HELZ2: variants seen among roughly 807,000 people sequenced by gnomAD.
HELZ2 encodes the protein helicase with zinc finger 2.
A neutral mutation model predicts 208.8 loss-of-function variants in HELZ2; 143 were observed. That is an observed-to-expected ratio of 0.68 (90% CI 0.60 to 0.79). The LOEUF (loss-of-function observed/expected upper bound fraction) is 0.79. HELZ2 is among the 30% of genes least tolerant of loss of function. HELZ2 has a pLI of 0.00. For missense variants in HELZ2, 3,690 were observed against 3,794.5 expected, an observed-to-expected ratio of 0.97 and a Z score of 0.72; for synonymous variants, 1,705 against 1,693.7, an observed-to-expected ratio of 1.01 and a Z score of -0.16.
Position 63,560,114 on chromosome 20 carries a change from G to A in HELZ2, c.7658-19C>T, listed in dbSNP as rs1379148828. ...TCGCTCCCTGCGGGATGGGAGGTGA[G>A]GCCCTGCTGCCGCTGCGCCCACCCT... On this transcript the variant is annotated intron_variant, in intron 17 of 18. Transcript: ENST00000467148. The A allele has an allele frequency of 6.4e-7, 1 of 1,572,136 alleles. No homozygotes were observed.
upstream of HELZ2, among the ~76,000 whole-genome samples, chr20:63,573,939 G>A (rs1430875525): frequency 4.6e-5 from 7 of 152,130 alleles, no homozygotes; most frequent in Admixed American, 2.0e-4. This position sits in a 1 kb window ranked among gnomAD's most constrained non-coding sequence, Gnocchi z 4.9. Context: ...AAAATCCTGC[G>A]CTCCAGTGGG....
chr20:63,573,217 G>A (rs565718495), upstream of HELZ2: 14 of 152,364 alleles, frequency 9.2e-5, no homozygotes, highest in Non-Finnish European at 1.5e-4. The surrounding 1 kb of genome is among the most constrained non-coding windows in gnomAD (Gnocchi z 4.9). Context: ...GCCACGGTTC[G>A]AAGCCTGCGA....
chr20:63,566,344 C>A, intron 7 of HELZ2, 34 bp downstream of exon 8: 1 of 1,540,862 alleles, frequency 6.5e-7, no homozygotes, highest in Non-Finnish European at 8.8e-7. Context: ...TATCCTGGGG[C>A]AGCTGGCAGC....
chr20:63,560,476 C>T lies in HELZ2; in HGVS notation c.7500+3G>A, dbSNP rs1569027748. 3.1e-6 allele frequency: 5 copies of T among 1,609,522 alleles called. No homozygotes were observed. The South Asian group carries it at 4.4e-5, about 14-fold the overall frequency. On this transcript the variant is annotated splice_donor_region_variant and intron_variant, in intron 16 of 18. Coordinates refer to ENST00000467148, the Ensembl canonical transcript of HELZ2. Reference sequence around the variant, plus strand: ...CCCTGACTCACAGGCACCAGACACTCACCACCTCAGCCACCTCCTCCAGGT... The same window carrying T: ...CCCTGACTCACAGGCACCAGACACTTACCACCTCAGCCACCTCCTCCAGGT...
At chr20:63,566,102 G>A in exon 8 of HELZ2, 6 of 1,584,672 alleles carry the variant, frequency 3.8e-6, no homozygotes, top group Non-Finnish European at 3.4e-6. Flanking sequence ...CACCAGCTGG[G>A]ACTGGGCGCG....
chr20:63,572,257 C>A, exon 1 of HELZ2: 1 of 1,587,054 alleles, frequency 6.3e-7, no homozygotes, highest in Non-Finnish European at 8.6e-7. Context: ...CCAAGCAGGC[C>A]GGGCAGTACA....
At chr20:63,559,055 G>GGAGAAGCAA (rs2082846456), downstream of HELZ2, 1 of 595,732 alleles carries the variant, frequency 1.7e-6, no homozygotes, top group Non-Finnish European at 2.8e-6. Flanking sequence ...CAGATGCCCA[G>GGAGAAGCAA]GAGGAGCAAG....
intron 6 of HELZ2, 127 bp downstream of exon 7, chr20:63,566,717 G>T: frequency 1.0e-6 from 1 of 964,830 alleles, no homozygotes; most frequent in Non-Finnish European, 1.5e-6. Context: ...TCAGCCCTGG[G>T]AGGCAAATAC....
chr20:63,570,900 A>G (rs1193230699), intron 1 of HELZ2, 32 bp from the exon 3 acceptor site: 8 of 1,535,846 alleles, frequency 5.2e-6, no homozygotes, highest in Non-Finnish European at 7.1e-6. Flanking sequence ...AGGGCTACAC[A>G]GAGGCACAGC....
chr20:63,566,908 G>A (rs771964830), exon 6 of HELZ2: 1 of 1,609,380 alleles, frequency 6.2e-7, no homozygotes, highest in Non-Finnish European at 8.5e-7. Context: ...GCTGGGCCAG[G>A]TGTTGTAGGC....
At chr20:63,559,457 G>A in intron 18 of HELZ2, 87 bp from the exon 20 acceptor site, 1 of 1,134,184 alleles carries the variant, frequency 8.8e-7, no homozygotes, top group Admixed American at 3.5e-5. Flanking sequence ...TCAGGTGGGA[G>A]TCAGTCAGGG....
intron 3 of HELZ2, 92 bp from the exon 5 acceptor site, chr20:63,569,757 C>G: frequency 7.6e-7 from 1 of 1,316,580 alleles, no homozygotes; most frequent in South Asian, 1.5e-5. Flanking sequence ...GTGCAGGGTT[C>G]AGGTCCTGGC....
At position 63,560,057 on chromosome 20, in the gene HELZ2, T is replaced by C. The variant is rs114036943; in HGVS notation, c.7696A>G (p.Thr2566Ala). 7.8e-4 allele frequency: 1,259 copies of C among 1,609,140 alleles called. 28 individuals carry two copies. The East Asian group carries it at 0.027, about 35-fold the overall frequency. The change falls in exon 18 of 19, where the codon ACC becomes GCC. Residue 2566 changes from threonine to alanine, a missense_variant. Physicochemically the swap from Thr to Ala is moderately conservative, Grantham distance 58 (BLOSUM62 0). Around this residue, in one of 3 missense-constraint regions of HELZ2, gnomAD observed 2,564 missense variants for 2,580.5 expected, o/e 0.99. Coordinates refer to ENST00000467148, the Ensembl canonical transcript of HELZ2. ...TGGTCCAGGTCGCTCTTGGCACAGG[T>C]GCGGACGGTGCTCACCAGCACATAG...
chr20:63,566,645 AC>A lies in HELZ2; in HGVS notation c.2515-193del, dbSNP rs573454697. Among the ~76,000 whole-genome samples the A allele has an allele frequency of 6.6e-5, 10 of 151,490 alleles. 1 individual carries two copies. Among genetic ancestry groups the A allele is most frequent in the African/African-American group, 2.5e-4 (10 of 40,810 alleles). ...CGCAGGACGCAGTGAGGACTGGGCC[AC>A]CCCCGACAAGGAGACGGCACCCCCA... is the stretch of plus-strand genomic sequence containing the variant. On this transcript the variant is annotated intron_variant, in intron 6 of 18. Transcript: ENST00000467148.
exon 12 of HELZ2, chr20:63,561,631 G>A (rs1261003509): frequency 6.2e-7 from 1 of 1,611,244 alleles, no homozygotes; most frequent in Admixed American, 1.7e-5. Flanking sequence ...CCCCTCCCGG[G>A]GGCTCTTCCT....
rs144293106 is a variant in HELZ2 at position 63,565,634 on chromosome 20, G to A, written c.3188C>T (p.Pro1063Leu). 2.2e-4 allele frequency: 353 copies of A among 1,610,646 alleles called. 1 individual carries two copies. The highest frequency in any genetic ancestry group is 6.7e-5 in the East Asian group (3 of 44,876). Residue 1063 changes from proline (P) to leucine (L), a missense_variant, in exon 8 of 19, where the codon CCG becomes CTG. Pro to Leu is a moderately conservative substitution (Grantham distance 98). Transcript: ENST00000467148. The stretch of plus-strand genomic sequence containing the variant: ...GTCAGCGTTGAGCTCCCCGTCCCAC[G>A]GCCAGAAGTCAGCCTCTGCATCCTC...
Position 63,565,851 on chromosome 20 carries a change from CA to C in HELZ2, c.2970del (p.Val991TrpfsTer2). 1 of 1,598,354 alleles carries C rather than the reference CA, an allele frequency of 6.3e-7. No homozygotes were observed. The highest frequency in any genetic ancestry group is 1.1e-5 in the South Asian group (1 of 90,896). ...TCTGCCTTCACCATGGCCGTCACCA[CA>C]GCCGCCTGCTCCTCGGCCAGGTCCC... On this transcript the variant is annotated frameshift_variant, in exon 8 of 19. Transcript: ENST00000467148. LOFTEE classifies it high-confidence loss of function.
At chr20:63,569,380 C>T (rs761626371) in exon 4 of HELZ2, 9 of 1,608,714 alleles carry the variant, frequency 5.6e-6, no homozygotes, top group Admixed American at 1.7e-5. Flanking sequence ...TCAGGGTGGC[C>T]GAGCGCCAGA....
chr20:63,569,088 C>G (rs961786400), intron 4 of HELZ2, 60 bp downstream of exon 5: 3 of 1,584,340 alleles, frequency 1.9e-6, no homozygotes, highest in African/African-American at 2.7e-5. Context: ...GTTGCCCCAG[C>G]CGCTCCCATT....
Sources: allele counts gnomAD v4.1 joint callset (sites outside exome capture counted in the v4.1 genomes callset), GRCh38; gene constraint gnomAD v4.1.1; regional missense constraint gnomAD v4.1.1; non-coding constraint Gnocchi (gnomAD v3.1); transcripts MANE v1.5; gene names NCBI Gene and HGNC (gene_info 2026-07-23, HGNC 2026-07-21).